RIMS1: variants seen among roughly 807,000 people sequenced by gnomAD.
RIMS1 encodes the protein regulating synaptic membrane exocytosis protein 1.
In RIMS1, 83 loss-of-function variants were observed where a neutral mutation model predicts 214.1. The ratio of observed to expected loss-of-function variants is 0.39; its 90% CI spans 0.32 to 0.47. The LOEUF is 0.47. Ranked by LOEUF, RIMS1 falls within the 20% of genes least tolerant of loss-of-function variation. RIMS1 has a pLI of 0.99. For missense variants in RIMS1, 2,050 were observed against 2,161.8 expected (o/e 0.95, Z 1.03); for synonymous variants, 793 against 786.8 (o/e 1.01, Z -0.13).
chr6:72,388,430 C>T (rs1487554717), intron 29 of RIMS1, among the ~76,000 whole-genome samples: 1 of 152,166 alleles, frequency 6.6e-6, no homozygotes, highest in Non-Finnish European at 1.5e-5. Context: ...ATGGCATTTC[C>T]TGGGCCACGA....
At chr6:72,158,456 C>T (rs1179616826) in intron 4 of RIMS1, among the ~76,000 whole-genome samples, 1 of 138,996 alleles carries the variant, frequency 7.2e-6, no homozygotes, top group African/African-American at 2.5e-5. Context: ...ATGTGCACAA[C>T]GTGCAGGTTT....
chr6:72,072,925 C>A (rs567901111), intron 2 of RIMS1, among the ~76,000 whole-genome samples: 1 of 152,246 alleles, frequency 6.6e-6, no homozygotes, highest in East Asian at 1.9e-4. Flanking sequence ...TAGACAGAGC[C>A]CTCATGCAGA....
intron 24 of RIMS1, 51 bp downstream of exon 24, chr6:72,284,169 T>A (rs2091450641): frequency 6.9e-7 from 1 of 1,459,170 alleles, no homozygotes; most frequent in African/African-American, 1.4e-5. Context: ...GGAATATATT[T>A]AGGGGTGCTG....
chr6:71,934,474 G>A (rs768155791), intron 1 of RIMS1, among the ~76,000 whole-genome samples: 33 of 152,044 alleles, frequency 2.2e-4, no homozygotes, highest in Non-Finnish European at 3.7e-4. Context: ...GCTGTTACAC[G>A]TTTGTTTTTA....
At chr6:71,906,705 C>G (rs1245987253) in intron 1 of RIMS1, among the ~76,000 whole-genome samples, 3 of 152,018 alleles carry the variant, frequency 2.0e-5, no homozygotes, top group Admixed American at 6.6e-5. Context: ...TGAGATCCAC[C>G]ACTTTTACTA....
chr6:72,235,688 C>T lies in RIMS1; in HGVS notation c.1817C>T (p.Thr606Ile). The change falls in exon 8 of 34, where the codon ACA (threonine) becomes ATA (isoleucine). Residue 606 changes from threonine (T) to isoleucine (I), a missense_variant. By Grantham distance (89) the Thr-to-Ile change is moderately conservative. Transcript: ENST00000521978. ...GGACGTGTTATTCTTAACAAGAGAACAACCATGCCCAAAGACTCAGGTGCA... is the reference window on the plus strand; with the variant it reads ...GGACGTGTTATTCTTAACAAGAGAATAACCATGCCCAAAGACTCAGGTGCA... ...LIGRVILNKR[T>I]TMPKDSGALL... 2 of 1,609,398 alleles carry T rather than the reference C, an allele frequency of 1.2e-6. No individual in the cohort carries two copies. The highest frequency in any genetic ancestry group is 1.7e-6 in the Non-Finnish European group (2 of 1,177,506).
chr6:72,335,058 GT>G (rs559096617), intron 29 of RIMS1, among the ~76,000 whole-genome samples: 143 of 151,832 alleles, frequency 9.4e-4, no homozygotes, highest in African/African-American at 3.3e-3. Context: ...TTGGTGTTTT[GT>G]TTGTTTGTTT....
At chr6:71,899,350 C>T (rs961261158) in intron 1 of RIMS1, among the ~76,000 whole-genome samples, 2 of 151,794 alleles carry the variant, frequency 1.3e-5, no homozygotes, top group Non-Finnish European at 2.9e-5. Context: ...CAAAGAAGAG[C>T]TTTCTTTGGT....
chr6:72,057,539 G>T (rs1227323783), intron 2 of RIMS1, among the ~76,000 whole-genome samples: 1 of 132,304 alleles, frequency 7.6e-6, no homozygotes, highest in African/African-American at 2.9e-5. Flanking sequence ...ATGGAGTCTC[G>T]CTCTGTTGCC....
intron 23 of RIMS1, 75 bp from the exon 24 acceptor site, chr6:72,283,970 CTA>C: frequency 2.5e-6 from 3 of 1,181,274 alleles, no homozygotes; most frequent in Non-Finnish European, 3.8e-6. Context: ...TTTTTCATGT[CTA>C]TTGTGTTTAT....
intron 28 of RIMS1, 27 bp downstream of exon 28, chr6:72,313,699 A>C: frequency 6.3e-7 from 1 of 1,577,936 alleles, no homozygotes. Flanking sequence ...GTTTATATAA[A>C]CTGGATCTTT....
chr6:72,281,455 A>G (rs528926937), intron 23 of RIMS1, among the ~76,000 whole-genome samples: 1 of 152,234 alleles, frequency 6.6e-6, no homozygotes, highest in Non-Finnish European at 1.5e-5. Flanking sequence ...TCACAGAGGA[A>G]ATGAAATATC....
chr6:71,997,163 T>C (rs562890329), intron 2 of RIMS1, among the ~76,000 whole-genome samples: 6 of 152,316 alleles, frequency 3.9e-5, no homozygotes, highest in Non-Finnish European at 8.8e-5. Context: ...TTTCATGTAA[T>C]TTTAGAATAG....
At chr6:72,107,426 T>C (rs2034988096) in intron 4 of RIMS1, among the ~76,000 whole-genome samples, 1 of 152,118 alleles carries the variant, frequency 6.6e-6, no homozygotes, top group Non-Finnish European at 1.5e-5. Context: ...CCAGGCGTGG[T>C]GGCAGGTGCC....
intron 6 of RIMS1, among the ~76,000 whole-genome samples, chr6:72,215,886 C>T (rs1295735633): frequency 6.6e-6 from 1 of 152,026 alleles, no homozygotes; most frequent in African/African-American, 2.4e-5. Flanking sequence ...TTTTTTTTCT[C>T]ATGAGATAAT....
At chr6:72,280,378 A>G (rs1427515424) in intron 23 of RIMS1, among the ~76,000 whole-genome samples, 1 of 151,990 alleles carries the variant, frequency 6.6e-6, no homozygotes, top group East Asian at 1.9e-4. Flanking sequence ...AACCTTTCCT[A>G]TTTTATATAT....
intron 1 of RIMS1, among the ~76,000 whole-genome samples, chr6:71,927,398 A>G (rs1781861077): frequency 6.6e-6 from 1 of 152,170 alleles, no homozygotes; most frequent in South Asian, 2.1e-4. Flanking sequence ...AACTCAAACA[A>G]TGTTGAATAT....
chr6:72,279,507 T>C (rs33999715), intron 23 of RIMS1, among the ~76,000 whole-genome samples: 4,065 of 152,120 alleles, frequency 0.027, 83 homozygotes, highest in Non-Finnish European at 0.038. Context: ...GGAGAAAAAC[T>C]CAAGATTTCT....
At chr6:71,965,254 A>T (rs1794121441) in intron 1 of RIMS1, among the ~76,000 whole-genome samples, 1 of 152,240 alleles carries the variant, frequency 6.6e-6, no homozygotes, top group African/African-American at 2.4e-5. Flanking sequence ...AAAACCATTT[A>T]AAGTTCAAAT....
Sources: gnomAD v4.1 joint callset for allele counts (sites outside exome capture counted in the v4.1 genomes callset) on GRCh38, gnomAD v4.1.1 for gene constraint, MANE v1.5 for transcripts, NCBI Gene and HGNC (gene_info 2026-07-23, HGNC 2026-07-21) for gene names.